Variants in SLC4A4 observed in about 807,000 individuals in gnomAD.
The protein encoded by SLC4A4 is electrogenic sodium bicarbonate cotransporter 1.
A neutral mutation model predicts 111.5 loss-of-function variants in SLC4A4; 27 were observed. That is an observed-to-expected ratio of 0.24 (90% CI 0.18 to 0.33). The LOEUF is 0.33. Ranked by LOEUF, SLC4A4 falls within the 10% of genes least tolerant of loss-of-function variation. The probability of loss-of-function intolerance (pLI) is 1.00; values close to 1 mark genes in which losing one functional copy is unlikely to be tolerated. For missense variants in SLC4A4, 909 were observed against 1,315.5 expected (o/e 0.69, Z 4.78); for synonymous variants, 443 against 463.4 (o/e 0.96, Z 0.57).
intron 14 of SLC4A4, among the ~76,000 whole-genome samples, chr4:71,480,040 G>C (rs1164402076): frequency 1.3e-5 from 1 of 75,334 alleles, no homozygotes; most frequent in Non-Finnish European, 2.7e-5. Flanking sequence ...TTTTTTTTTT[G>C]AGGTGGGGTC....
At chr4:71,471,437 A>G (rs1448387614) in intron 13 of SLC4A4, among the ~76,000 whole-genome samples, 1 of 151,758 alleles carries the variant, frequency 6.6e-6, no homozygotes, top group Non-Finnish European at 1.5e-5. Flanking sequence ...TCAGGCAAAA[A>G]CTTACCTGTG....
rs767080992 is a variant in SLC4A4, at chr4:71,440,666, C to T, written c.858C>T (p.Asn286=). 23 of 1,613,978 alleles carry T rather than the reference C, an allele frequency of 1.4e-5. No individual in the cohort carries two copies. In the African/African-American group the frequency reaches 1.5e-4, roughly 10 times the overall value. The part of the protein sequence containing the change: ...KKLPRDAEAS[N]VLVGEVDFLD... ...TGCCACGTGATGCAGAAGCTTCCAA[C>T]GTGCTTGTTGGGGAGGTTGACTTTT... The change falls in exon 8 of 26, where the codon AAC becomes AAT. Residue 286 remains asparagine, a synonymous_variant. Transcript: ENST00000264485.
chr4:71,380,155 ATAG>A (rs1280963652), intron 6 of SLC4A4, among the ~76,000 whole-genome samples: 1 of 152,170 alleles, frequency 6.6e-6, no homozygotes, highest in East Asian at 1.9e-4. Flanking sequence ...GTGGCTGCTG[ATAG>A]TAGTAGAATT....
chr4:71,374,802 A>G (rs1732201642), intron 6 of SLC4A4, among the ~76,000 whole-genome samples: 1 of 151,716 alleles, frequency 6.6e-6, no homozygotes, highest in Admixed American at 6.6e-5. Flanking sequence ...TTTTTTCCTA[A>G]TAAGATTTTG....
chr4:71,262,682 A>G (rs1008508650), intron 3 of SLC4A4, among the ~76,000 whole-genome samples: 6 of 152,138 alleles, frequency 3.9e-5, no homozygotes, highest in Non-Finnish European at 7.4e-5. Context: ...GAAGGGAGTT[A>G]TTTCAGACAA....
chr4:71,512,388 A>T (rs1732009156), intron 16 of SLC4A4, among the ~76,000 whole-genome samples: 1 of 152,084 alleles, frequency 6.6e-6, no homozygotes, highest in African/African-American at 2.4e-5. Flanking sequence ...CATTTCTCTG[A>T]TGATTAGTGA....
intron 9 of SLC4A4, among the ~76,000 whole-genome samples, chr4:71,449,566 T>C (rs1388832603): frequency 6.6e-6 from 1 of 152,184 alleles, no homozygotes; most frequent in Non-Finnish European, 1.5e-5. Context: ...AAAAATTCTT[T>C]TCCTAGAGAA....
intron 3 of SLC4A4, among the ~76,000 whole-genome samples, chr4:71,297,508 A>AC (rs1491167071): frequency 4.7e-5 from 6 of 128,982 alleles, no homozygotes; most frequent in South Asian, 2.4e-4. Context: ...ACACACAGAC[A>AC]AACACACACA....
chr4:71,348,180 C>T (rs1256848605), intron 4 of SLC4A4, among the ~76,000 whole-genome samples: 1 of 152,036 alleles, frequency 6.6e-6, no homozygotes, highest in Non-Finnish European at 1.5e-5. Flanking sequence ...CTCTAATCAC[C>T]TTATTACCTT....
chr4:71,279,450 A>G (rs940402114), intron 3 of SLC4A4, among the ~76,000 whole-genome samples: 1 of 152,180 alleles, frequency 6.6e-6, no homozygotes, highest in East Asian at 1.9e-4. Flanking sequence ...ATAATATTCC[A>G]TTGGATATTA....
intron 1 of SLC4A4, among the ~76,000 whole-genome samples, chr4:71,090,800 G>T (rs1041271912): frequency 1.3e-5 from 2 of 152,194 alleles, no homozygotes; most frequent in Admixed American, 6.5e-5. Context: ...TCAGAGAAAG[G>T]CTGTTTCAAA....
At chr4:71,314,420 T>C (rs1380091094) in intron 3 of SLC4A4, among the ~76,000 whole-genome samples, 1 of 152,232 alleles carries the variant, frequency 6.6e-6, no homozygotes, top group African/African-American at 2.4e-5. Flanking sequence ...TTACTGGGTA[T>C]ATACCCAAAG....
At chr4:71,281,903 T>C (rs538745480) in intron 3 of SLC4A4, among the ~76,000 whole-genome samples, 5 of 152,068 alleles carry the variant, frequency 3.3e-5, no homozygotes, top group Admixed American at 6.5e-5. Flanking sequence ...GCAAGGGTCA[T>C]TTGATCTCTT....
intron 3 of SLC4A4, among the ~76,000 whole-genome samples, chr4:71,256,125 G>A (rs1433840167): frequency 6.6e-6 from 1 of 152,164 alleles, no homozygotes; most frequent in Non-Finnish European, 1.5e-5. Context: ...GCTGAACTGA[G>A]AATGAATATG....
At chr4:71,463,590 C>A (rs1727037895) in intron 12 of SLC4A4, among the ~76,000 whole-genome samples, 4 of 152,126 alleles carry the variant, frequency 2.6e-5, no homozygotes. Flanking sequence ...GGATCAAGTA[C>A]TGAAATAAAA....
At chr4:71,256,249 A>G (rs1383944230) in intron 3 of SLC4A4, among the ~76,000 whole-genome samples, 1 of 152,204 alleles carries the variant, frequency 6.6e-6, no homozygotes, top group East Asian at 1.9e-4. Flanking sequence ...ACAGTTGCAG[A>G]AATATGGACC....
intron 16 of SLC4A4, among the ~76,000 whole-genome samples, chr4:71,511,968 A>G (rs1393308015): frequency 2.6e-5 from 4 of 152,128 alleles, no homozygotes; most frequent in Non-Finnish European, 4.4e-5. Context: ...ATGGCTACAT[A>G]GTTTTCCATT....
intron 11 of SLC4A4, 131 bp downstream of exon 11, chr4:71,451,432 G>T (rs1725751785): frequency 2.8e-6 from 2 of 722,004 alleles, no homozygotes; most frequent in Non-Finnish European, 5.1e-6. Flanking sequence ...ATACCTATTT[G>T]TCACAGGCAC....
intron 16 of SLC4A4, among the ~76,000 whole-genome samples, chr4:71,502,087 G>A (rs1020289675): frequency 6.6e-6 from 1 of 152,120 alleles, no homozygotes; most frequent in African/African-American, 2.4e-5. Flanking sequence ...TCAACCTCCT[G>A]AGTAACTGGG....
Sources: allele counts gnomAD v4.1 joint callset (sites outside exome capture counted in the v4.1 genomes callset), GRCh38; gene constraint gnomAD v4.1.1; transcripts MANE v1.5; gene names NCBI Gene and HGNC (gene_info 2026-07-23, HGNC 2026-07-21).